Variants in REDIC1 observed in about 807,000 individuals in gnomAD.
REDIC1 encodes the protein regulator of DNA class I crossover intermediates 1.
the REDIC1 span, among the ~76,000 whole-genome samples, chr12:39,870,621 C>A: frequency 6.6e-6 from 1 of 152,032 alleles, no homozygotes; most frequent in Non-Finnish European, 1.5e-5. Flanking sequence ...TTTACTTGTC[C>A]CTCACTTTTA....
At chr12:39,741,366 A>T in the REDIC1 span, among the ~76,000 whole-genome samples, 1 of 152,202 alleles carries the variant, frequency 6.6e-6, no homozygotes, top group Non-Finnish European at 1.5e-5. Flanking sequence ...ATAGACTTCA[A>T]CCAACCTGAG....
the REDIC1 span, among the ~76,000 whole-genome samples, chr12:39,634,030 C>T: frequency 6.6e-6 from 1 of 152,110 alleles, no homozygotes; most frequent in Non-Finnish European, 1.5e-5. Flanking sequence ...GCAGTATGAC[C>T]ATTTTCACAT....
the REDIC1 span, among the ~76,000 whole-genome samples, chr12:39,888,729 CACAG>C: frequency 6.6e-6 from 1 of 152,184 alleles, no homozygotes; most frequent in Admixed American, 6.5e-5. Context: ...AGTTTGTCAA[CACAG>C]ACAATCTTTT....
chr12:39,716,652 T>A, the REDIC1 span: 1 of 757,652 alleles, frequency 1.3e-6, no homozygotes, highest in Non-Finnish European at 2.1e-6. Context: ...TGTTTTGTGT[T>A]GTTAGCTAAA....
the REDIC1 span, among the ~76,000 whole-genome samples, chr12:39,889,435 T>G: frequency 6.6e-6 from 1 of 152,036 alleles, no homozygotes; most frequent in African/African-American, 2.4e-5. Flanking sequence ...ATTTTACAAC[T>G]GCTGTAAACT....
At chr12:39,711,885 GTATGTGTA>G in the REDIC1 span, among the ~76,000 whole-genome samples, 26 of 30,338 alleles carry the variant, frequency 8.6e-4, no homozygotes, top group African/African-American at 3.1e-3. Context: ...ACATGCATGT[GTATGTGTA>G]TACACGTATA....
At chr12:39,812,344 TTTCTTTTC>T in the REDIC1 span, among the ~76,000 whole-genome samples, 5 of 101,014 alleles carry the variant, frequency 4.9e-5, no homozygotes, top group African/African-American at 2.0e-4. Context: ...TCTTTTTTCT[TTTCTTTTC>T]TTTTCTTTTC....
At chr12:39,861,859 A>G in the REDIC1 span, among the ~76,000 whole-genome samples, 1 of 151,916 alleles carries the variant, frequency 6.6e-6, no homozygotes, top group Non-Finnish European at 1.5e-5. Flanking sequence ...AGCAGATCTA[A>G]AAGGTGTTTT....
At chr12:39,682,119 T>C in the REDIC1 span, among the ~76,000 whole-genome samples, 2 of 152,166 alleles carry the variant, frequency 1.3e-5, no homozygotes, top group African/African-American at 4.8e-5. Context: ...TTTATATTGC[T>C]CTTCCTTGGG....
At chr12:39,908,096 G>A in the REDIC1 span, 146,110 of 151,942 alleles carry the variant, frequency 0.96, 70,550 homozygotes, top group East Asian at 1. Context: ...TTTCTTCCTA[G>A]ATTTCACTTT....
At chr12:39,717,011 G>T in the REDIC1 span, among the ~76,000 whole-genome samples, 4 of 151,516 alleles carry the variant, frequency 2.6e-5, no homozygotes, top group East Asian at 7.8e-4. Flanking sequence ...ATGTAGAAAA[G>T]AAAAATGTAA....
At chr12:39,764,540 C>T in the REDIC1 span, 9 of 1,612,082 alleles carry the variant, frequency 5.6e-6, no homozygotes, top group African/African-American at 1.3e-5. Flanking sequence ...TCCAGATGAA[C>T]ATGCATTTCC....
At chr12:39,626,358 CGGTAA>C in the REDIC1 span, 1 of 1,614,064 alleles carries the variant, frequency 6.2e-7, no homozygotes, top group African/African-American at 1.3e-5. Flanking sequence ...CGGGGGGTCC[CGGTAA>C]GTTGTGCAGC....
chr12:39,818,896 G>A, the REDIC1 span, among the ~76,000 whole-genome samples: 9 of 152,002 alleles, frequency 5.9e-5, 1 homozygote, highest in Admixed American at 1.3e-4. Flanking sequence ...TTCCCTGATT[G>A]TCCCAAGCAG....
the REDIC1 span, among the ~76,000 whole-genome samples, chr12:39,727,684 C>T: frequency 6.6e-6 from 1 of 151,516 alleles, no homozygotes; most frequent in African/African-American, 2.4e-5. Flanking sequence ...AAGTCTAATT[C>T]TGTGAAGAAA....
the REDIC1 span, among the ~76,000 whole-genome samples, chr12:39,711,110 C>A: frequency 6.6e-6 from 1 of 151,390 alleles, no homozygotes; most frequent in Non-Finnish European, 1.5e-5. Context: ...ATCTTCATAT[C>A]TTAGTTACCT....
the REDIC1 span, among the ~76,000 whole-genome samples, chr12:39,678,976 A>G: frequency 6.6e-6 from 1 of 152,162 alleles, no homozygotes; most frequent in Non-Finnish European, 1.5e-5. Flanking sequence ...TCTATGACAC[A>G]CCCACAGCCA....
At chr12:39,769,758 A>G in the REDIC1 span, among the ~76,000 whole-genome samples, 12 of 151,474 alleles carry the variant, frequency 7.9e-5, no homozygotes, top group African/African-American at 1.9e-4. Context: ...CAAATGTTCA[A>G]CTCCTCTCAT....
the REDIC1 span, among the ~76,000 whole-genome samples, chr12:39,807,653 C>A: frequency 1.3e-5 from 2 of 152,202 alleles, no homozygotes; most frequent in Admixed American, 6.5e-5. Flanking sequence ...AAAATGGATA[C>A]ATGATTTAGT....
Sources: allele counts gnomAD v4.1 joint callset (sites outside exome capture counted in the v4.1 genomes callset), GRCh38; gene constraint gnomAD v4.1.1; transcripts MANE v1.5; gene names NCBI Gene and HGNC (gene_info 2026-07-23, HGNC 2026-07-21).